The following CCDC178 variants were observed in gnomAD, a reference collection of about 807,000 sequenced individuals.
CCDC178 encodes the protein coiled-coil domain-containing protein 178.
CCDC178 carries 126 observed loss-of-function variants against 117.4 expected under a neutral mutation model. The observed-to-expected ratio is 1.07, with a 90% CI of 0.93 to 1.24. CCDC178 has a LOEUF of 1.24. Among genes scored for constraint, CCDC178 ranks in the 50% most tolerant of loss-of-function variants. The pLI is 0.00. For missense variants in CCDC178, 1,030 were observed against 986.9 expected (o/e 1.04, Z -0.59); for synonymous variants, 283 against 313.4 (o/e 0.90, Z 1.02).
intron 20 of CCDC178, among the ~76,000 whole-genome samples, chr18:33,124,706 A>G (rs192195491): frequency 1.2e-3 from 180 of 152,348 alleles, no homozygotes; most frequent in African/African-American, 4.3e-3. Context: ...GTAATAATTC[A>G]TAATACGTGC....
chr18:33,221,551 T>C (rs1468260502), intron 18 of CCDC178, among the ~76,000 whole-genome samples: 1 of 152,246 alleles, frequency 6.6e-6, no homozygotes, highest in Middle Eastern at 3.4e-3. Context: ...AGGATACCAT[T>C]ACAGTTCTGG....
At chr18:32,946,455 T>C (rs1166886962) in intron 22 of CCDC178, among the ~76,000 whole-genome samples, 3 of 152,190 alleles carry the variant, frequency 2.0e-5, no homozygotes, top group African/African-American at 7.2e-5. Flanking sequence ...ATCAAGACTA[T>C]GAATGAAATA....
rs2059585779 is a variant in CCDC178, at chr18:33,249,070, G to GTGTGTTTTGGCTGC, written c.1410-3643_1410-3642insGCAGCCAAAACACA. Among the ~76,000 whole-genome samples the GTGTGTTTTGGCTGC allele has an allele frequency of 2.0e-5, 3 of 152,182 alleles. No individual in the cohort carries two copies. In the South Asian group the frequency reaches 6.2e-4, roughly 32 times the overall value. On this transcript the variant is annotated intron_variant, in intron 14 of 22. Coordinates refer to ENST00000383096, the MANE Select transcript of CCDC178 (RefSeq NM_001105528.4). ...TTTGGCTGCATAAATGTCTTCTTTTGAGAAGTGTCTGTTCATATCCTTCAC... is the reference window on the plus strand; with the variant it reads ...TTTGGCTGCATAAATGTCTTCTTTTGTGTGTTTTGGCTGCAGAAGTGTCTGTTCATATCCTTCAC...
chr18:33,040,001 A>G (rs1253204634), intron 21 of CCDC178, among the ~76,000 whole-genome samples: 1 of 151,954 alleles, frequency 6.6e-6, no homozygotes, highest in Admixed American at 6.6e-5. Context: ...ATAAAAAATT[A>G]CCATAAGAAA....
At chr18:33,184,900 T>C (rs975823416) in intron 20 of CCDC178, among the ~76,000 whole-genome samples, 4 of 152,086 alleles carry the variant, frequency 2.6e-5, no homozygotes, top group Admixed American at 6.6e-5. Context: ...CAGTTACTTA[T>C]TGAAATCAGG....
At chr18:33,168,092 G>C (rs1461766464) in intron 20 of CCDC178, among the ~76,000 whole-genome samples, 1 of 152,024 alleles carries the variant, frequency 6.6e-6, no homozygotes, top group Non-Finnish European at 1.5e-5. Context: ...GTTTAATGAA[G>C]TCCCATTTGT....
chr18:32,960,469 TA>T (rs2054684462), intron 22 of CCDC178, among the ~76,000 whole-genome samples: 1 of 152,032 alleles, frequency 6.6e-6, no homozygotes, highest in African/African-American at 2.4e-5. Flanking sequence ...TTGAAAAAAA[TA>T]GAGTAGATTT....
chr18:32,992,610 G>A (rs1414608351), intron 21 of CCDC178, among the ~76,000 whole-genome samples: 1 of 152,146 alleles, frequency 6.6e-6, no homozygotes, highest in Non-Finnish European at 1.5e-5. Flanking sequence ...GGTGACCACA[G>A]TTAATGTGTT....
chr18:33,252,044 C>G (rs1213028237), intron 14 of CCDC178, among the ~76,000 whole-genome samples: 1 of 151,674 alleles, frequency 6.6e-6, no homozygotes, highest in Non-Finnish European at 1.5e-5. Flanking sequence ...GTTTGGTCAT[C>G]ATAGTGTCAA....
intron 20 of CCDC178, among the ~76,000 whole-genome samples, chr18:33,126,119 A>C (rs1216272045): frequency 1.3e-5 from 2 of 152,114 alleles, no homozygotes; most frequent in Non-Finnish European, 2.9e-5. Context: ...GAATGCAGTG[A>C]CCAATTAGGA....
intron 12 of CCDC178, among the ~76,000 whole-genome samples, chr18:33,281,197 C>A (rs865993297): frequency 6.6e-6 from 1 of 151,730 alleles, no homozygotes; most frequent in Non-Finnish European, 1.5e-5. Flanking sequence ...CAAACGTATA[C>A]AAAATTACAG....
At chr18:33,094,414 T>C (rs1253049108) in intron 20 of CCDC178, among the ~76,000 whole-genome samples, 1 of 152,004 alleles carries the variant, frequency 6.6e-6, no homozygotes, top group East Asian at 1.9e-4. Flanking sequence ...CCTGAAGTGA[T>C]TAACTTGTAA....
At chr18:32,988,837 C>A (rs940554227) in intron 21 of CCDC178, among the ~76,000 whole-genome samples, 1 of 151,958 alleles carries the variant, frequency 6.6e-6, no homozygotes, top group East Asian at 1.9e-4. Flanking sequence ...TAAGATAATA[C>A]TATGAGTAAT....
intron 21 of CCDC178, among the ~76,000 whole-genome samples, chr18:33,053,336 C>T (rs74973984): frequency 0.094 from 14,366 of 152,124 alleles, 971 homozygotes; most frequent in African/African-American, 0.19. Flanking sequence ...TAAAGAAGAA[C>T]TTATTATTTC....
intron 6 of CCDC178, among the ~76,000 whole-genome samples, chr18:33,358,489 T>C (rs1244004821): frequency 2.6e-5 from 4 of 151,916 alleles, no homozygotes; most frequent in African/African-American, 7.2e-5. Context: ...GGTAAAATCA[T>C]ACATGAAACT....
intron 20 of CCDC178, among the ~76,000 whole-genome samples, chr18:33,161,575 C>G (rs1046130211): frequency 1.7e-4 from 26 of 152,114 alleles, no homozygotes; most frequent in African/African-American, 5.8e-4. Context: ...TTCCTATGGG[C>G]AAGGGTTGGC....
intron 7 of CCDC178, 44 bp from the exon 8 acceptor site, chr18:33,349,019 T>C (rs1599202047): frequency 3.2e-6 from 4 of 1,259,594 alleles, no homozygotes; most frequent in East Asian, 2.4e-5. Flanking sequence ...GTACTTAAAG[T>C]TAGTAAAACA....
At chr18:33,352,499 A>G (rs761218211) in intron 7 of CCDC178, among the ~76,000 whole-genome samples, 3 of 152,078 alleles carry the variant, frequency 2.0e-5, no homozygotes, top group Non-Finnish European at 1.5e-5. Flanking sequence ...CTTAAGGTAT[A>G]AAGTTAGGTT....
chr18:33,163,035 T>A (rs576512508), intron 20 of CCDC178, among the ~76,000 whole-genome samples: 1 of 152,256 alleles, frequency 6.6e-6, no homozygotes, highest in Admixed American at 6.5e-5. Flanking sequence ...CTGAACTAAT[T>A]TACACTCCCA....
Sources: gnomAD v4.1 joint callset for allele counts (sites outside exome capture counted in the v4.1 genomes callset) on GRCh38, gnomAD v4.1.1 for gene constraint, MANE v1.5 for transcripts, NCBI Gene and HGNC (gene_info 2026-07-23, HGNC 2026-07-21) for gene names.